The following SUPT20H variants were observed in gnomAD, a reference collection of about 807,000 sequenced individuals.
SUPT20H encodes the protein transcription factor SPT20 homolog.
In SUPT20H, 82 loss-of-function variants were observed where a neutral mutation model predicts 122.8. The observed-to-expected ratio is 0.67, with a 90% CI of 0.56 to 0.80. SUPT20H has a LOEUF of 0.80. Among genes scored for constraint, SUPT20H ranks in the 30% least tolerant of loss-of-function variants. The pLI is 0.00. For synonymous variants in SUPT20H, 291 were observed against 313.0 expected (o/e 0.93, Z 0.74); for missense variants, 831 against 921.6 (o/e 0.90, Z 1.27).
chr13:37,031,130 A>G (rs1203159594), intron 12 of SUPT20H, among the ~76,000 whole-genome samples: 1 of 152,162 alleles, frequency 6.6e-6, no homozygotes, highest in Non-Finnish European at 1.5e-5. Flanking sequence ...TTACTTCTCT[A>G]GTATTATTAA....
intron 14 of SUPT20H, among the ~76,000 whole-genome samples, chr13:37,027,750 G>A (rs1281414797): frequency 1.3e-5 from 2 of 152,042 alleles, no homozygotes; most frequent in Admixed American, 1.3e-4. Flanking sequence ...CATTGAGTCT[G>A]TGTCCTTACA....
At chr13:37,026,461 A>G (rs1489484935) in intron 15 of SUPT20H, among the ~76,000 whole-genome samples, 1 of 152,138 alleles carries the variant, frequency 6.6e-6, no homozygotes, top group Non-Finnish European at 1.5e-5. Flanking sequence ...GGTTGATTTA[A>G]TTAAGTGATA....
At chr13:37,056,238 C>T (rs945109065) in intron 1 of SUPT20H, among the ~76,000 whole-genome samples, 4 of 152,126 alleles carry the variant, frequency 2.6e-5, no homozygotes, top group African/African-American at 9.7e-5. Flanking sequence ...GTAGAAATAC[C>T]ATTTGACCCA....
intron 7 of SUPT20H, 149 bp downstream of exon 7, chr13:37,043,929 G>A: frequency 3.8e-6 from 2 of 530,476 alleles, no homozygotes; most frequent in Non-Finnish European, 6.5e-6. Context: ...AAGGCTGTTG[G>A]GAACAGTGAT....
At chr13:37,052,549 AAAACCATAAAACCAT>A (rs2067975299) in intron 1 of SUPT20H, among the ~76,000 whole-genome samples, 1 of 152,172 alleles carries the variant, frequency 6.6e-6, no homozygotes, top group African/African-American at 2.4e-5. Flanking sequence ...CTTACAACAT[AAAACCATAAAACCAT>A]AAACCATAAA....
At chr13:37,017,100 C>G (rs987001055) in intron 23 of SUPT20H, 145 bp downstream of exon 23, 2 of 1,093,818 alleles carry the variant, frequency 1.8e-6, no homozygotes, top group Non-Finnish European at 2.7e-6. Context: ...TAGGAATACA[C>G]ACCCAATAGC....
Position 37,028,256 on chromosome 13 carries a change from T to G in SUPT20H, c.1043A>C (p.Gln348Pro). ...CTGCAAGATGGTCAGCTTTGTTTTC[T>G]GATACTGAGTACCAGCTTCACATTC... ...VFECEAGTQY[Q>P]KTKLTILQSL... The change falls in exon 14 of 26, where the codon CAG (glutamine) becomes CCG (proline). Residue 348 changes from glutamine to proline, a missense_variant. By Grantham distance (76) the Gln-to-Pro change is moderately conservative. Coordinates refer to ENST00000350612, the MANE Select transcript of SUPT20H (RefSeq NM_001014286.3). 2 of 1,613,718 alleles carry G rather than the reference T, an allele frequency of 1.2e-6. No individual in the cohort carries two copies. Among genetic ancestry groups the G allele is most frequent in the Non-Finnish European group, 1.7e-6 (2 of 1,179,820 alleles).
chr13:37,051,338 T>C, intron 2 of SUPT20H, 150 bp downstream of exon 2: 1 of 658,528 alleles, frequency 1.5e-6, no homozygotes, highest in African/African-American at 1.8e-5. Context: ...AGAGAAGACT[T>C]TGCAATGGGA....
chr13:37,028,926 T>C (rs1303271326), intron 13 of SUPT20H, among the ~76,000 whole-genome samples: 2 of 150,878 alleles, frequency 1.3e-5, no homozygotes, highest in African/African-American at 4.9e-5. Context: ...AATTTCATAC[T>C]AGATATATGA....
intron 1 of SUPT20H, among the ~76,000 whole-genome samples, chr13:37,054,248 A>T (rs1023046427): frequency 2.0e-5 from 3 of 152,218 alleles, no homozygotes; most frequent in African/African-American, 7.2e-5. Flanking sequence ...AAAAGAGGGA[A>T]TCCTCCCTAA....
At position 37,045,166 on chromosome 13, in the gene SUPT20H, G is replaced by C. The variant is rs1309009823; in HGVS notation, c.292+81C>G. On this transcript the variant is annotated intron_variant, in intron 6 of 25. Transcript: ENST00000350612. ...TATCTGAAGGACAAATGCTTTAGCA[G>C]GTTAAAAAACTACTTTAAAAAAACC... 1.9e-6 allele frequency: 3 copies of C among 1,575,072 alleles called. No individual in the cohort carries two copies. In the East Asian group the frequency reaches 6.8e-5, roughly 36 times the overall value.
chr13:37,041,648 T>C (rs2065496107), intron 7 of SUPT20H, among the ~76,000 whole-genome samples: 1 of 152,196 alleles, frequency 6.6e-6, no homozygotes, highest in Non-Finnish European at 1.5e-5. Flanking sequence ...CATTCAGAAC[T>C]TTTAGTGGGT....
intron 22 of SUPT20H, among the ~76,000 whole-genome samples, chr13:37,019,023 T>G (rs1289193787): frequency 6.6e-6 from 1 of 152,178 alleles, no homozygotes; most frequent in Non-Finnish European, 1.5e-5. Context: ...ATAAAACATC[T>G]GTTGGGAAAG....
At position 37,029,851 on chromosome 13, in the gene SUPT20H, C is replaced by A; in HGVS notation, c.922-15G>T. 1 of 1,563,410 alleles carries A rather than the reference C, an allele frequency of 6.4e-7. No homozygotes were observed. Among genetic ancestry groups the A allele is most frequent in the East Asian group, 2.3e-5 (1 of 42,688 alleles). On this transcript the variant is annotated splice_polypyrimidine_tract_variant and intron_variant, in intron 12 of 25. Coordinates refer to ENST00000350612, the MANE Select transcript of SUPT20H (RefSeq NM_001014286.3). ...TATTTCTCCACCTAAACAATCAAATCAAGAAATACCACATAAAATAGAATC... is the reference window on the plus strand; with the variant it reads ...TATTTCTCCACCTAAACAATCAAATAAAGAAATACCACATAAAATAGAATC...
At position 37,022,373 on chromosome 13, in the gene SUPT20H, A is replaced by G; in HGVS notation, c.1592-293T>C. ...TTTGTTATAAATGGCCAGTCCTTTT[A>G]AAATAAGGTTAATGGAATCTTACTT... On this transcript the variant is annotated intron_variant, in intron 19 of 25. Coordinates refer to ENST00000350612, the MANE Select transcript of SUPT20H (RefSeq NM_001014286.3). This position sits in a 1 kb window ranked among gnomAD's most constrained non-coding sequence, Gnocchi z 4.5. The G allele has an allele frequency of 7.4e-7, 1 of 1,349,106 alleles. No individual in the cohort carries two copies. Among genetic ancestry groups the G allele is most frequent in the East Asian group, 2.7e-5 (1 of 37,236 alleles). 83.6% of individuals were successfully genotyped at this position (1,349,106 alleles called of 1,614,324 possible).
intron 5 of SUPT20H, among the ~76,000 whole-genome samples, chr13:37,046,569 T>C (rs927219130): frequency 6.6e-6 from 1 of 152,178 alleles, no homozygotes; most frequent in African/African-American, 2.4e-5. Flanking sequence ...AATTCATTTA[T>C]AAAAACATGC....
intron 5 of SUPT20H, among the ~76,000 whole-genome samples, chr13:37,046,340 A>T (rs1763836149): frequency 6.6e-6 from 1 of 152,132 alleles, no homozygotes; most frequent in African/African-American, 2.4e-5. Context: ...GAATTAGATA[A>T]ATTTTTACAG....
At position 37,028,157 on chromosome 13, in the gene SUPT20H, G is replaced by A. The variant is rs1227832901; in HGVS notation, c.1142C>T (p.Ser381Phe). The A allele has an allele frequency of 1.2e-6, 2 of 1,602,466 alleles. No individual in the cohort carries two copies. Among genetic ancestry groups the A allele is most frequent in the Non-Finnish European group, 8.5e-7 (1 of 1,176,156 alleles). The change falls in exon 14 of 26, where the codon TCT (serine) becomes TTT (phenylalanine). Residue 381 changes from serine (S) to phenylalanine (F), a missense_variant. Ser to Phe is a radical substitution (Grantham distance 155, BLOSUM62 -2). Coordinates refer to ENST00000350612, the MANE Select transcript of SUPT20H (RefSeq NM_001014286.3). ...KADEESDSQMSPSHSSTDDHS... is the reference protein window; with the variant it reads ...KADEESDSQMFPSHSSTDDHS... ...ATTTAACAGAACTCACTGTGATGGA[G>A]ACATCTGGCTGTCACTTTCTTCATC...
rs766176848 is a variant in SUPT20H, at chr13:37,024,134, AAGG to A, written c.1489_1491del (p.Pro497del). ...CGAGGAATACTTGATGGCTTAGAAG[AAGG>A]AGGAGGAGTTGGAGATTTGAGAAAG... On this transcript the variant is annotated inframe_deletion, in exon 19 of 26. Transcript: ENST00000350612. 7 of 1,613,682 alleles carry A rather than the reference AAGG, an allele frequency of 4.3e-6. No individual in the cohort carries two copies. Among genetic ancestry groups the A allele is most frequent in the South Asian group, 2.2e-5 (2 of 91,052 alleles).
Sources: allele counts gnomAD v4.1 joint callset (sites outside exome capture counted in the v4.1 genomes callset), GRCh38; gene constraint gnomAD v4.1.1; non-coding constraint Gnocchi (gnomAD v3.1); transcripts MANE v1.5; gene names NCBI Gene and HGNC (gene_info 2026-07-23, HGNC 2026-07-21).